Variants in SLC35F2 observed in about 807,000 individuals in gnomAD.
SLC35F2 encodes solute carrier family 35 member F2.
Under a neutral mutation model 38.1 loss-of-function variants are expected in SLC35F2, and 25 were observed. The ratio of observed to expected loss-of-function variants is 0.66; its 90% CI spans 0.48 to 0.92. SLC35F2 has a LOEUF of 0.92. SLC35F2 is among the 40% of genes least tolerant of loss of function. The probability of loss-of-function intolerance (pLI) is 0.00; values close to 1 mark genes in which losing one functional copy is unlikely to be tolerated. For synonymous variants in SLC35F2, 173 were observed against 181.7 expected, an observed-to-expected ratio of 0.95 and a Z score of 0.38; for missense variants, 409 against 452.9, an observed-to-expected ratio of 0.90 and a Z score of 0.88.
intron 1 of SLC35F2, among the ~76,000 whole-genome samples, chr11:107,841,910 C>T (rs1860017128): frequency 6.6e-6 from 1 of 151,354 alleles, no homozygotes; most frequent in African/African-American, 2.4e-5. Context: ...TAAAAATACA[C>T]AAAAGATTAG....
intron 3 of SLC35F2, chr11:107,809,682 G>A (rs574941870): frequency 1.4e-5 from 14 of 982,756 alleles, no homozygotes; most frequent in Middle Eastern, 5.2e-4. Flanking sequence ...GTTTCAGTTC[G>A]AAGAGTATCA....
At chr11:107,815,230 G>A (rs1321746220) in intron 2 of SLC35F2, among the ~76,000 whole-genome samples, 1 of 149,474 alleles carries the variant, frequency 6.7e-6, no homozygotes, top group African/African-American at 2.5e-5. Context: ...TTAAAATTGG[G>A]GGGGAAACCT....
chr11:107,839,811 G>A (rs554650309), intron 1 of SLC35F2, among the ~76,000 whole-genome samples: 29 of 152,036 alleles, frequency 1.9e-4, no homozygotes, highest in African/African-American at 6.8e-4. Flanking sequence ...GCGCCACCAC[G>A]CCTGGCTAAT....
At chr11:107,816,014 TTA>T in intron 1 of SLC35F2, 49 bp from the exon 2 acceptor site, 1 of 1,302,370 alleles carries the variant, frequency 7.7e-7, no homozygotes, top group Non-Finnish European at 1.0e-6. Flanking sequence ...AAGTTATACC[TTA>T]CACACACACA....
At chr11:107,793,703 A>G (rs1859169870) in intron 7 of SLC35F2, among the ~76,000 whole-genome samples, 1 of 152,220 alleles carries the variant, frequency 6.6e-6, no homozygotes, top group African/African-American at 2.4e-5. Flanking sequence ...AAGATACTAG[A>G]AGAGTCCAAA....
intron 3 of SLC35F2, chr11:107,810,758 T>C (rs1859468008): frequency 2.9e-5 from 28 of 979,208 alleles, no homozygotes; most frequent in Non-Finnish European, 3.4e-5. Context: ...TAACATTTAA[T>C]GTAGGTTCAC....
intron 1 of SLC35F2, among the ~76,000 whole-genome samples, chr11:107,843,238 G>T (rs996159239): frequency 6.6e-6 from 1 of 152,136 alleles, no homozygotes; most frequent in African/African-American, 2.4e-5. Context: ...CTTTAGGACT[G>T]GTGATGCGTT....
At chr11:107,829,066 C>T (rs987970897) in intron 1 of SLC35F2, among the ~76,000 whole-genome samples, 3 of 151,116 alleles carry the variant, frequency 2.0e-5, no homozygotes, top group African/African-American at 7.3e-5. Flanking sequence ...CAAGATCACG[C>T]CACTGCACTC....
chr11:107,833,424 CAG>C (rs1859882000), intron 1 of SLC35F2, among the ~76,000 whole-genome samples: 1 of 149,122 alleles, frequency 6.7e-6, no homozygotes, highest in African/African-American at 2.5e-5. Context: ...GAGGCTGAGG[CAG>C]GAGAATAGCT....
At chr11:107,832,983 G>A (rs912580930) in intron 1 of SLC35F2, among the ~76,000 whole-genome samples, 2 of 152,134 alleles carry the variant, frequency 1.3e-5, no homozygotes, top group African/African-American at 4.8e-5. Context: ...GTGATCCTCT[G>A]TTGACAATTT....
At chr11:107,824,664 T>C (rs1232344893) in intron 1 of SLC35F2, among the ~76,000 whole-genome samples, 1 of 152,228 alleles carries the variant, frequency 6.6e-6, no homozygotes, top group Non-Finnish European at 1.5e-5. Flanking sequence ...TATGTCTTTT[T>C]TAAGTGAGTG....
intron 2 of SLC35F2, among the ~76,000 whole-genome samples, chr11:107,812,959 T>C (rs2134788224): frequency 6.6e-6 from 1 of 152,330 alleles, no homozygotes; most frequent in African/African-American, 2.4e-5. Context: ...AGAAACACCT[T>C]TTATTCCTCC....
chr11:107,854,893 A>G (rs1860253075), intron 1 of SLC35F2, among the ~76,000 whole-genome samples: 1 of 152,288 alleles, frequency 6.6e-6, no homozygotes, highest in South Asian at 2.1e-4. Flanking sequence ...CCATATGGTG[A>G]TAACACATCA....
intron 7 of SLC35F2, among the ~76,000 whole-genome samples, chr11:107,798,590 G>T (rs1859256758): frequency 6.6e-6 from 1 of 152,030 alleles, no homozygotes; most frequent in African/African-American, 2.4e-5. Context: ...GAAGTTTCTT[G>T]CGATTACTTT....
chr11:107,821,213 G>A (rs1386406492), intron 1 of SLC35F2, among the ~76,000 whole-genome samples: 1 of 152,290 alleles, frequency 6.6e-6, no homozygotes, highest in South Asian at 2.1e-4. Flanking sequence ...AGAATAAAAA[G>A]TGTGGAAGCA....
chr11:107,858,171 C>A (rs897534044), intron 1 of SLC35F2, among the ~76,000 whole-genome samples: 31 of 152,352 alleles, frequency 2.0e-4, no homozygotes, highest in African/African-American at 7.5e-4. Flanking sequence ...TCCCACCCGG[C>A]AGCAGCACAA....
chr11:107,850,534 A>G (rs1269777122), intron 1 of SLC35F2, among the ~76,000 whole-genome samples: 1 of 152,000 alleles, frequency 6.6e-6, no homozygotes. Flanking sequence ...CAAATAGTCA[A>G]CTCAAGGCCG....
chr11:107,809,442 C>T (rs983895516), intron 3 of SLC35F2, among the ~76,000 whole-genome samples: 2 of 124,170 alleles, frequency 1.6e-5, no homozygotes, highest in Non-Finnish European at 3.2e-5. Context: ...AGCTCGGTGA[C>T]AGAATGAGAC....
chr11:107,801,530 T>C (rs1247272762), intron 7 of SLC35F2, among the ~76,000 whole-genome samples: 1 of 152,050 alleles, frequency 6.6e-6, no homozygotes, highest in Non-Finnish European at 1.5e-5. Flanking sequence ...TCAGTTATAA[T>C]ATGGTAAATA....
Sources: gnomAD v4.1 joint callset for allele counts (sites outside exome capture counted in the v4.1 genomes callset) on GRCh38, gnomAD v4.1.1 for gene constraint, MANE v1.5 for transcripts, NCBI Gene and HGNC (gene_info 2026-07-23, HGNC 2026-07-21) for gene names.